Variants in ESRRG observed in about 807,000 individuals in gnomAD.
ESRRG encodes estrogen-related receptor gamma.
Under a neutral mutation model 44.0 loss-of-function variants are expected in ESRRG, and 13 were observed. That is an observed-to-expected ratio of 0.30 (90% CI 0.19 to 0.47). The LOEUF is 0.47. Ranked by LOEUF, ESRRG falls within the 20% of genes least tolerant of loss-of-function variation. The pLI is 1.00. For synonymous variants in ESRRG, 215 were observed against 214.6 expected (o/e 1.00, Z -0.02); for missense variants, 395 against 580.6 (o/e 0.68, Z 3.29).
chr1:216,995,120 G>C (rs1301561699), intron 1 of ESRRG, among the ~76,000 whole-genome samples: 1 of 152,128 alleles, frequency 6.6e-6, no homozygotes, highest in East Asian at 1.9e-4. Context: ...CTTTCCTCAG[G>C]ACTCAGGAGA....
chr1:217,026,391 G>A (rs11572424), intron 1 of ESRRG, among the ~76,000 whole-genome samples: 34,992 of 152,124 alleles, frequency 0.23, 4,379 homozygotes, highest in Middle Eastern at 0.41. Flanking sequence ...CCCTGCAAAT[G>A]GCAAGAGTTT....
intron 2 of ESRRG, among the ~76,000 whole-genome samples, chr1:216,939,096 G>A (rs1238387775): frequency 6.6e-6 from 1 of 151,916 alleles, no homozygotes; most frequent in Non-Finnish European, 1.5e-5. Context: ...GCTCACAGAA[G>A]GTAGAATTAG....
chr1:216,950,151 A>G (rs191470721), intron 1 of ESRRG, among the ~76,000 whole-genome samples: 14 of 152,290 alleles, frequency 9.2e-5, no homozygotes, highest in African/African-American at 3.4e-4. Flanking sequence ...ATGAGGTATT[A>G]TTTGACTATG....
intron 2 of ESRRG, among the ~76,000 whole-genome samples, chr1:216,776,207 C>T (rs2093607939): frequency 6.6e-6 from 1 of 152,112 alleles, no homozygotes; most frequent in Admixed American, 6.6e-5. Context: ...CCCTTCCCTA[C>T]CAAGCTTATT....
At chr1:216,957,633 T>A (rs1007802901) in intron 1 of ESRRG, among the ~76,000 whole-genome samples, 3 of 152,076 alleles carry the variant, frequency 2.0e-5, no homozygotes, top group African/African-American at 7.2e-5. Context: ...CACTTCATCC[T>A]TACCACCTCT....
intron 5 of ESRRG, among the ~76,000 whole-genome samples, chr1:216,530,935 T>A (rs1017986333): frequency 6.6e-6 from 1 of 151,874 alleles, no homozygotes; most frequent in Admixed American, 6.6e-5. Context: ...GAAAAAAAAA[T>A]GAAAATCCTT....
At chr1:216,870,133 A>G (rs2096239542) in intron 2 of ESRRG, among the ~76,000 whole-genome samples, 1 of 152,030 alleles carries the variant, frequency 6.6e-6, no homozygotes, top group Admixed American at 6.6e-5. Flanking sequence ...TTGTAGATGG[A>G]CTTTATCAAG....
At position 216,876,724 on chromosome 1, in the gene ESRRG, T is replaced by C. The variant is rs2096360781; in HGVS notation, c.-14+62858A>G. Among the ~76,000 whole-genome samples the C allele has an allele frequency of 2.6e-5, 4 of 152,260 alleles. No individual in the cohort carries two copies. In the South Asian group the frequency reaches 6.2e-4, roughly 24 times the overall value. On this transcript the variant is annotated intron_variant, in intron 2 of 7. Transcript: ENST00000359162. ...TCATAGAACCCATAGAACCAATTGT[T>C]CAGTCATGAGATAACTGACCTGAAG... is the stretch of plus-strand genomic sequence containing the variant.
rs192505975 is a variant in ESRRG, at chr1:217,015,286, C to T, written c.-106+74221G>A. On this transcript the variant is annotated intron_variant, in intron 1 of 7. Coordinates refer to the ESRRG transcript ENST00000359162. Reference sequence around the variant, plus strand: ...ACTGGTCTTTCTTTGCTTCCTTTTACATGAATGTCCAATTTTGCATTTGTT... The same window carrying T: ...ACTGGTCTTTCTTTGCTTCCTTTTATATGAATGTCCAATTTTGCATTTGTT... 2.0e-5 allele frequency among the ~76,000 whole-genome samples: 3 copies of T among 152,292 alleles called. No individual in the cohort carries two copies. The East Asian group carries it at 5.8e-4, about 29-fold the overall frequency.
chr1:216,745,755 C>G (rs143602425), intron 2 of ESRRG, among the ~76,000 whole-genome samples: 8 of 152,256 alleles, frequency 5.3e-5, no homozygotes, highest in African/African-American at 1.7e-4. Flanking sequence ...ATTCAGTTTA[C>G]TCATCTGTAA....
At chr1:216,728,900 C>A (rs886771006) in intron 2 of ESRRG, among the ~76,000 whole-genome samples, 8 of 151,964 alleles carry the variant, frequency 5.3e-5, no homozygotes, top group African/African-American at 1.9e-4. Flanking sequence ...TCTAAGATTT[C>A]TTTTTATAAA....
intron 2 of ESRRG, among the ~76,000 whole-genome samples, chr1:216,736,340 C>T (rs930249536): frequency 6.6e-6 from 1 of 151,734 alleles, no homozygotes; most frequent in African/African-American, 2.4e-5. Context: ...TCCGCCACCA[C>T]GCCCGGCTAA....
intron 3 of ESRRG, among the ~76,000 whole-genome samples, chr1:216,613,777 G>A (rs879795987): frequency 4.6e-5 from 7 of 152,114 alleles, no homozygotes; most frequent in African/African-American, 9.7e-5. Flanking sequence ...TGAAGCCAAC[G>A]TTCGAAAACT....
chr1:216,935,102 A>G (rs1467954207), intron 2 of ESRRG, among the ~76,000 whole-genome samples: 5 of 152,176 alleles, frequency 3.3e-5, no homozygotes, highest in Admixed American at 6.5e-5. Context: ...CTCACATTCA[A>G]CACAGACACT....
At chr1:216,878,028 G>C (rs1313823734) in intron 2 of ESRRG, among the ~76,000 whole-genome samples, 8 of 152,210 alleles carry the variant, frequency 5.3e-5, no homozygotes, top group Non-Finnish European at 1.2e-4. Context: ...GGGTCATGCA[G>C]TATGCATATA....
intron 1 of ESRRG, among the ~76,000 whole-genome samples, chr1:216,955,450 C>T (rs770199103): frequency 2.2e-4 from 34 of 152,098 alleles, no homozygotes; most frequent in Non-Finnish European, 3.8e-4. Context: ...CCTTAATGGT[C>T]ATTTAGGATG....
intron 3 of ESRRG, among the ~76,000 whole-genome samples, chr1:216,616,811 G>A (rs969973467): frequency 6.6e-6 from 1 of 152,082 alleles, no homozygotes; most frequent in African/African-American, 2.4e-5. Flanking sequence ...TAAGCACAAC[G>A]GGAGGAAAGA....
intron 3 of ESRRG, among the ~76,000 whole-genome samples, chr1:216,633,248 A>G (rs911408093): frequency 3.9e-5 from 6 of 152,242 alleles, no homozygotes; most frequent in Non-Finnish European, 8.8e-5. Context: ...ATTTATGCTC[A>G]TAGTCAGAAG....
chr1:216,931,510 C>G (rs2063334227), intron 2 of ESRRG, among the ~76,000 whole-genome samples: 1 of 152,144 alleles, frequency 6.6e-6, no homozygotes, highest in Non-Finnish European at 1.5e-5. Flanking sequence ...CCCTGGAAAT[C>G]TTCCCACCCC....
Sources: gnomAD v4.1 joint callset for allele counts (sites outside exome capture counted in the v4.1 genomes callset) on GRCh38, gnomAD v4.1.1 for gene constraint, MANE v1.5 for transcripts, NCBI Gene and HGNC (gene_info 2026-07-23, HGNC 2026-07-21) for gene names.